The following SCN3B variants were observed in gnomAD, a reference collection of about 807,000 sequenced individuals.
SCN3B encodes the protein sodium voltage-gated channel beta subunit 3.
SCN3B carries 11 observed loss-of-function variants against 25.4 expected under a neutral mutation model. That is an observed-to-expected ratio of 0.43 (90% CI 0.27 to 0.72). The LOEUF (loss-of-function observed/expected upper bound fraction) is 0.72. Ranked by LOEUF, SCN3B falls within the 30% of genes least tolerant of loss-of-function variation. SCN3B has a pLI of 0.18. For synonymous variants in SCN3B, 109 were observed against 110.7 expected (o/e 0.99, Z 0.09); for missense variants, 218 against 278.3 (o/e 0.78, Z 1.54).
intron 2 of SCN3B, among the ~76,000 whole-genome samples, chr11:123,651,535 T>C (rs967100513): frequency 1.3e-5 from 2 of 152,218 alleles, no homozygotes; most frequent in African/African-American, 2.4e-5. Flanking sequence ...GACTAATTTT[T>C]GTATTTTTAG....
chr11:123,639,949 T>G (rs1220737502), intron 4 of SCN3B: 1 of 152,214 alleles, frequency 6.6e-6, no homozygotes, highest in Admixed American at 6.5e-5. Flanking sequence ...GGAGAAATGT[T>G]GTAGCCACCT....
intron 1 of SCN3B, 68 bp downstream of exon 1, chr11:123,654,158 C>T (rs1057397460): frequency 7.2e-6 from 3 of 415,608 alleles, no homozygotes; most frequent in Non-Finnish European, 1.4e-5. Context: ...CCAGGGTAAG[C>T]TCAGCTCGGA....
chr11:123,645,887 C>T (rs1337145669), intron 2 of SCN3B, 137 bp from the exon 3 acceptor site: 7 of 859,374 alleles, frequency 8.1e-6, no homozygotes, highest in African/African-American at 1.7e-5. Context: ...AAAAAAGCCA[C>T]GTGCACATGT....
In SCN3B at chr11:123,631,733, T is replaced by C. The variant is rs529365660; in HGVS notation, c.*2066A>G. 5 of 151,966 alleles carry C rather than the reference T, an allele frequency of 3.3e-5. No individual in the cohort carries two copies. In the South Asian group the frequency reaches 1.0e-3, roughly 32 times the overall value. The allele number at this position is 151,966 out of a possible 1,614,324, so 9.4% of individuals were successfully genotyped here. A position where few individuals can be genotyped will look rare whatever the true frequency, so the allele number is the denominator to read the frequency against. On this transcript the variant is annotated 3_prime_UTR_variant, in exon 7 of 7. Transcript: ENST00000299333. Reference sequence around the variant, plus strand: ...AGTCCCAGTTACCTGGGGGCTGAGGTGGGAGGATTGCTTAAACCTGGGGCA... The same window carrying C: ...AGTCCCAGTTACCTGGGGGCTGAGGCGGGAGGATTGCTTAAACCTGGGGCA...
chr11:123,641,666 G>T (rs1955793432), intron 4 of SCN3B, among the ~76,000 whole-genome samples: 1 of 152,156 alleles, frequency 6.6e-6, no homozygotes, highest in Non-Finnish European at 1.5e-5. Flanking sequence ...CTGCTGAAAG[G>T]CCTTCCCACT....
intron 1 of SCN3B, 50 bp from the exon 2 acceptor site, chr11:123,653,876 T>C (rs1044384471): frequency 5.8e-6 from 9 of 1,548,320 alleles, no homozygotes; most frequent in Non-Finnish European, 6.2e-6. Context: ...TCAGATTCTT[T>C]CGAGGAAACC....
In SCN3B at chr11:123,642,535, G is replaced by T; in HGVS notation, c.356C>A (p.Thr119Asn). 1 of 1,614,236 alleles carries T rather than the reference G, an allele frequency of 6.2e-7. No individual in the cohort carries two copies. Among genetic ancestry groups the T allele is most frequent in the Non-Finnish European group, 8.5e-7 (1 of 1,180,044 alleles). The change falls in exon 4 of 7, where the codon ACC (threonine) becomes AAC (asparagine). Residue 119 changes from threonine (T) to asparagine (N), a missense_variant. Physicochemically the swap from Thr to Asn is moderately conservative, Grantham distance 65. Transcript: ENST00000299333. The surrounding 1 kb of genome is among the most constrained non-coding windows in gnomAD (Gnocchi z 4.3). ...NVTLNDSGLY[T>N]CNVSREFEFE... ...CTCAAACTCCCGGGACACATTGCAG[G>T]TGTAGAGGCCAGAGTCGTTCAGAGT...
chr11:123,630,941 C>T lies in SCN3B; in HGVS notation c.*2858G>A, dbSNP rs1955664475. 1 of 152,190 alleles carries T rather than the reference C, an allele frequency of 6.6e-6. No individual in the cohort carries two copies. Among genetic ancestry groups the T allele is most frequent in the African/African-American group, 2.4e-5 (1 of 41,448 alleles). The allele number at this position is 152,190 out of a possible 1,614,324, so 9.4% of individuals were successfully genotyped here. A position where few individuals can be genotyped will look rare whatever the true frequency, so the allele number is the denominator to read the frequency against. On this transcript the variant is annotated 3_prime_UTR_variant, in exon 7 of 7. Coordinates refer to ENST00000299333, the MANE Select transcript of SCN3B (RefSeq NM_001040151.2). ...GAAGACCTGGATTCTTGCTGTCTAC[C>T]TACCAGCTAGGTTTCCTTATAATTT...
intron 5 of SCN3B, among the ~76,000 whole-genome samples, chr11:123,636,189 C>G (rs1955723078): frequency 6.6e-6 from 1 of 152,096 alleles, no homozygotes; most frequent in African/African-American, 2.4e-5. Context: ...ACTTTAAAAG[C>G]ATTTTAATAT....
chr11:123,644,798 AGAATATATATAT>A (rs1565496813), intron 3 of SCN3B, among the ~76,000 whole-genome samples: 1 of 36,302 alleles, frequency 2.8e-5, no homozygotes, highest in African/African-American at 1.3e-4. Flanking sequence ...AGAGAGAGAG[AGAATATATATAT>A]ATATATATAT....
rs1030333479 is a variant in SCN3B, at chr11:123,654,380, C to A, written c.-180G>T. On this transcript the variant is annotated 5_prime_UTR_variant, in exon 1 of 7. Coordinates refer to ENST00000299333, the MANE Select transcript of SCN3B (RefSeq NM_001040151.2). ...CTGGGCTACAGAATGCGTTCCACGT[C>A]GGTCCCGTCCACGCCCGCCCTCGGC... The A allele has an allele frequency of 1.3e-5, 2 of 158,128 alleles. No individual in the cohort carries two copies. Among genetic ancestry groups the A allele is most frequent in the Non-Finnish European group, 2.8e-5 (2 of 71,258 alleles). The allele number at this position is 158,128 out of a possible 1,614,324, so 9.8% of individuals were successfully genotyped here.
At position 123,638,260 on chromosome 11, in the gene SCN3B, G is replaced by T. The variant is rs767798639; in HGVS notation, c.510C>A (p.Thr170=). Residue 170 remains threonine (T), a synonymous_variant, in exon 5 of 7, where the codon ACC becomes ACA. Coordinates refer to ENST00000299333, the MANE Select transcript of SCN3B (RefSeq NM_001040151.2). ...IMMYILLVFL[T]LWLLIEMIYC... ...ATATCATCTCGATGAGCAGCCACAA[G>T]GTGAGGAAGACCAGAAGGATGTACA... 2 of 1,614,158 alleles carry T rather than the reference G, an allele frequency of 1.2e-6. No homozygotes were observed. The highest frequency in any genetic ancestry group is 1.7e-6 in the Non-Finnish European group (2 of 1,180,040).
chr11:123,638,693 C>A, intron 4 of SCN3B: 1 of 342,814 alleles, frequency 2.9e-6, no homozygotes, highest in Admixed American at 4.2e-5. Flanking sequence ...TAACACCAGT[C>A]AGGGGTTTGT....
At position 123,652,775 on chromosome 11, in the gene SCN3B, G is replaced by A. The variant is rs12224429; in HGVS notation, c.55+972C>T. On this transcript the variant is annotated intron_variant, in intron 2 of 6. Coordinates refer to ENST00000299333, the MANE Select transcript of SCN3B (RefSeq NM_001040151.2). ...GCCCAGAACTACCACCCCCACCCCT[G>A]CCATACACATACTACTACACTCACC... 3.3e-4 allele frequency among the ~76,000 whole-genome samples: 50 copies of A among 151,352 alleles called. No homozygotes were observed. The East Asian group carries it at 8.4e-3, about 25-fold the overall frequency.
Position 123,634,123 on chromosome 11 carries a change from C to T in SCN3B, c.*20G>A, listed in dbSNP as rs776254826. On this transcript the variant is annotated splice_region_variant and 3_prime_UTR_variant, in exon 6 of 7. Transcript: ENST00000299333. Reference sequence around the variant, plus strand: ...CCTCCCATGTTCCTGTAGGTCACCTCATGTCACACTGCTCCTGTTCTATTC... The same window carrying T: ...CCTCCCATGTTCCTGTAGGTCACCTTATGTCACACTGCTCCTGTTCTATTC... The T allele has an allele frequency of 6.2e-7, 1 of 1,612,668 alleles. No homozygotes were observed. The highest frequency in any genetic ancestry group is 1.7e-5 in the Admixed American group (1 of 60,016).
intron 2 of SCN3B, among the ~76,000 whole-genome samples, chr11:123,650,689 A>C (rs930383709): frequency 6.6e-6 from 1 of 152,180 alleles, no homozygotes; most frequent in African/African-American, 2.4e-5. Context: ...GCGATTGTGC[A>C]TAGTAGCACA....
chr11:123,644,100 C>T (rs756249999), intron 3 of SCN3B, among the ~76,000 whole-genome samples: 5 of 152,230 alleles, frequency 3.3e-5, no homozygotes, highest in African/African-American at 9.6e-5. Flanking sequence ...GTAAAAAGGG[C>T]CTTGTATCTG....
At chr11:123,647,178 T>C (rs1955863403) in intron 2 of SCN3B, among the ~76,000 whole-genome samples, 1 of 152,140 alleles carries the variant, frequency 6.6e-6, no homozygotes, top group African/African-American at 2.4e-5. Flanking sequence ...GTTTGGGATA[T>C]TTGAAAGTAA....
chr11:123,634,619 G>A (rs1955707020), intron 5 of SCN3B, among the ~76,000 whole-genome samples: 1 of 152,330 alleles, frequency 6.6e-6, no homozygotes, highest in African/African-American at 2.4e-5. Context: ...GCACGTGCCT[G>A]TAGTCCCAGC....
Sources: gnomAD v4.1 joint callset for allele counts (sites outside exome capture counted in the v4.1 genomes callset) on GRCh38, gnomAD v4.1.1 for gene constraint, Gnocchi (gnomAD v3.1) non-coding constraint, MANE v1.5 for transcripts, NCBI Gene and HGNC (gene_info 2026-07-23, HGNC 2026-07-21) for gene names.